Variants in IMMT observed in about 807,000 individuals in gnomAD.
The protein encoded by IMMT is MICOS complex subunit MIC60.
A neutral mutation model predicts 92.7 loss-of-function variants in IMMT; 40 were observed. The observed-to-expected ratio is 0.43, with a 90% confidence interval of 0.34 to 0.56. The LOEUF is 0.56. IMMT is among the 20% of genes least tolerant of loss of function. IMMT has a pLI of 0.03. For synonymous variants in IMMT, 322 were observed against 336.1 expected (o/e 0.96, Z 0.46); for missense variants, 831 against 912.1 (o/e 0.91, Z 1.14).
intron 1 of IMMT, among the ~76,000 whole-genome samples, chr2:86,183,677 A>C (rs1184892536): frequency 6.6e-6 from 1 of 152,178 alleles, no homozygotes; most frequent in East Asian, 1.9e-4. Flanking sequence ...TGACACTGTC[A>C]GTTTCTTATT....
At chr2:86,174,343 A>G (rs1468372387) in intron 3 of IMMT, among the ~76,000 whole-genome samples, 1 of 152,154 alleles carries the variant, frequency 6.6e-6, no homozygotes, top group African/African-American at 2.4e-5. Context: ...AATTACTTTT[A>G]TTTTTATTTC....
At chr2:86,163,724 G>A (rs1304725111) in intron 7 of IMMT, among the ~76,000 whole-genome samples, 1 of 151,932 alleles carries the variant, frequency 6.6e-6, no homozygotes, top group Non-Finnish European at 1.5e-5. Flanking sequence ...TGTAATCCCA[G>A]CAATTTTGGA....
intron 1 of IMMT, among the ~76,000 whole-genome samples, chr2:86,188,654 G>A (rs1289553529): frequency 6.6e-6 from 1 of 152,170 alleles, no homozygotes; most frequent in African/African-American, 2.4e-5. Flanking sequence ...TTGAACTCCT[G>A]CGCTCAAGCG....
At chr2:86,164,944 T>C (rs1327470815) in intron 7 of IMMT, among the ~76,000 whole-genome samples, 1 of 152,180 alleles carries the variant, frequency 6.6e-6, no homozygotes, top group Non-Finnish European at 1.5e-5. Context: ...ATTCAGTATA[T>C]ATTAGAAATT....
intron 12 of IMMT, among the ~76,000 whole-genome samples, chr2:86,149,101 T>C (rs551630149): frequency 3.9e-4 from 59 of 152,216 alleles, no homozygotes; most frequent in Non-Finnish European, 7.6e-4. Flanking sequence ...AACCTCCTTT[T>C]CCCCCACCTT....
At position 86,144,194 on chromosome 2, in the gene IMMT, G is replaced by A. The variant is rs925786928; in HGVS notation, c.*74C>T. On this transcript the variant is annotated 3_prime_UTR_variant, in exon 15 of 15. Coordinates refer to ENST00000410111, the MANE Select transcript of IMMT (RefSeq NM_006839.3). ...ATTTCTAGACAAGTCCGGGACTCTC[G>A]CTGCGAACCCTTCATCTATCACTGC... The A allele has an allele frequency of 1.6e-5, 24 of 1,529,812 alleles. No homozygotes were observed. The highest frequency in any genetic ancestry group is 2.7e-5 in the African/African-American group (2 of 73,202). 94.8% of individuals were successfully genotyped at this position (1,529,812 alleles called of 1,614,324 possible). A position where few individuals can be genotyped will look rare whatever the true frequency, so the allele number is the denominator to read the frequency against.
Position 86,144,766 on chromosome 2 carries a change from A to G in IMMT, c.1779T>C (p.Gly593=). The G allele has an allele frequency of 6.2e-7, 1 of 1,613,656 alleles. No homozygotes were observed. Among genetic ancestry groups the G allele is most frequent in the Non-Finnish European group, 8.5e-7 (1 of 1,179,886 alleles). Residue 593 remains glycine, a synonymous_variant, in exon 15 of 15, where the codon GGT becomes GGC. Coordinates refer to ENST00000410111, the MANE Select transcript of IMMT (RefSeq NM_006839.3). ...TGGCTTTGATGGCCTCAACTGCACTACCCAGCGGGATAGTAGGTGTTTCTG... is the reference window on the plus strand; with the variant it reads ...TGGCTTTGATGGCCTCAACTGCACTGCCCAGCGGGATAGTAGGTGTTTCTG... ...SSAETPTIPL[G]SAVEAIKANC... is the part of the protein sequence containing the mutation.
At chr2:86,150,277 T>C (rs1675369273) in intron 12 of IMMT, among the ~76,000 whole-genome samples, 2 of 152,170 alleles carry the variant, frequency 1.3e-5, no homozygotes, top group South Asian at 4.1e-4. Context: ...TTATCAGGTA[T>C]AGATGGTATT....
At position 86,159,516 on chromosome 2, in the gene IMMT, A is replaced by G. The variant is rs376611022; in HGVS notation, c.1032+20T>C. ...ATTATATTTTAAAATATAAAATACT[A>G]TAAGACTTAGGAAACATACCTTTTT... On this transcript the variant is annotated intron_variant, in intron 9 of 14. Transcript: ENST00000410111. 5.4e-5 allele frequency: 81 copies of G among 1,508,338 alleles called. No homozygotes were observed. The highest frequency in any genetic ancestry group is 6.9e-5 in the Non-Finnish European group (76 of 1,104,230). 93.4% of individuals were successfully genotyped at this position (1,508,338 alleles called of 1,614,324 possible).
chr2:86,183,781 T>A (rs1196049027), intron 1 of IMMT, among the ~76,000 whole-genome samples: 2 of 152,186 alleles, frequency 1.3e-5, no homozygotes, highest in Non-Finnish European at 2.9e-5. Context: ...ATACACGCAA[T>A]TCTCTATTAA....
intron 7 of IMMT, 123 bp from the exon 8 acceptor site, chr2:86,162,202 T>C (rs1024640614): frequency 1.7e-6 from 1 of 599,362 alleles, no homozygotes; most frequent in Non-Finnish European, 2.8e-6. Context: ...ATGCAATGTT[T>C]CTCCAGAGTA....
At chr2:86,149,877 C>A in intron 12 of IMMT, among the ~76,000 whole-genome samples, 1 of 87,492 alleles carries the variant, frequency 1.1e-5, no homozygotes, top group Admixed American at 1.1e-4. Context: ...CAGACTCTGT[C>A]TCAAAAAAAA....
chr2:86,191,480 CCTGGGTTTCCAGGCTG>C (rs1673113697), intron 1 of IMMT, among the ~76,000 whole-genome samples: 1 of 152,158 alleles, frequency 6.6e-6, no homozygotes, highest in Admixed American at 6.5e-5. Flanking sequence ...CATCCACTCT[CCTGGGTTTCCAGGCTG>C]CTGGCCAGCA....
intron 12 of IMMT, 71 bp from the exon 13 acceptor site, chr2:86,147,904 A>G: frequency 6.7e-7 from 1 of 1,481,654 alleles, no homozygotes. Context: ...CAGAAAGACC[A>G]CTATCAACCA....
At chr2:86,176,467 AT>A (rs1677434888) in intron 3 of IMMT, among the ~76,000 whole-genome samples, 1 of 152,172 alleles carries the variant, frequency 6.6e-6, no homozygotes, top group Non-Finnish European at 1.5e-5. Flanking sequence ...TCAGGAGACA[AT>A]TTGGATATGA....
chr2:86,193,934 G>A (rs1281404511), intron 1 of IMMT, among the ~76,000 whole-genome samples: 6 of 152,208 alleles, frequency 3.9e-5, no homozygotes, highest in Admixed American at 6.5e-5. Flanking sequence ...AATCACATAA[G>A]CCTTTTAAAT....
chr2:86,189,128 CT>C (rs1385808478), intron 1 of IMMT, among the ~76,000 whole-genome samples: 1 of 152,150 alleles, frequency 6.6e-6, no homozygotes, highest in Non-Finnish European at 1.5e-5. Context: ...AAGGACAACA[CT>C]GTTTCAAAGC....
At position 86,166,434 on chromosome 2, in the gene IMMT, C is replaced by T. The variant is rs1475463669; in HGVS notation, c.792+74G>A. ...GCAGTCTGTTAAATATTACACTTCT[C>T]TCCACCCTCGATTTTTCTTTTTGTC... On this transcript the variant is annotated intron_variant, in intron 7 of 14. Coordinates refer to ENST00000410111, the MANE Select transcript of IMMT (RefSeq NM_006839.3). 4.9e-6 allele frequency: 7 copies of T among 1,423,132 alleles called. No individual in the cohort carries two copies. In the African/African-American group the frequency reaches 8.5e-5, roughly 17 times the overall value. 88.2% of individuals were successfully genotyped at this position (1,423,132 alleles called of 1,614,324 possible).
At chr2:86,178,811 C>G (rs1207232267) in intron 3 of IMMT, among the ~76,000 whole-genome samples, 1 of 152,134 alleles carries the variant, frequency 6.6e-6, no homozygotes, top group Non-Finnish European at 1.5e-5. Flanking sequence ...CCTGTAATCC[C>G]AACACTTTGG....
Sources: allele counts gnomAD v4.1 joint callset (sites outside exome capture counted in the v4.1 genomes callset), GRCh38; gene constraint gnomAD v4.1.1; transcripts MANE v1.5; gene names NCBI Gene and HGNC (gene_info 2026-07-23, HGNC 2026-07-21).